CATSPERT: variants seen among roughly 807,000 people sequenced by gnomAD.
CATSPERT encodes catsper channel auxiliary subunit tau.
chr2:201,589,875 T>C, the CATSPERT span, among the ~76,000 whole-genome samples: 1 of 152,078 alleles, frequency 6.6e-6, no homozygotes, highest in South Asian at 2.1e-4. Context: ...AGGTCTAATA[T>C]CCAGCATCTA....
At chr2:201,551,729 A>G in the CATSPERT span, among the ~76,000 whole-genome samples, 1 of 151,948 alleles carries the variant, frequency 6.6e-6, no homozygotes, top group Admixed American at 6.6e-5. Flanking sequence ...ACATGGAGAA[A>G]CCCCGTCTCT....
At chr2:201,539,676 T>C in the CATSPERT span, among the ~76,000 whole-genome samples, 1 of 152,014 alleles carries the variant, frequency 6.6e-6, no homozygotes. Context: ...GTTGTAACTA[T>C]GCCACTGACC....
At chr2:201,548,888 G>T in the CATSPERT span, among the ~76,000 whole-genome samples, 1 of 152,068 alleles carries the variant, frequency 6.6e-6, no homozygotes, top group African/African-American at 2.4e-5. Flanking sequence ...AGGATTCATG[G>T]TAAGATCTAA....
At chr2:201,508,467 G>T in the CATSPERT span, among the ~76,000 whole-genome samples, 2 of 152,102 alleles carry the variant, frequency 1.3e-5, no homozygotes, top group Non-Finnish European at 2.9e-5. Context: ...TTTTATTGTG[G>T]TAAAAAGCAC....
chr2:201,531,304 A>G, the CATSPERT span, among the ~76,000 whole-genome samples: 3 of 152,004 alleles, frequency 2.0e-5, no homozygotes, highest in African/African-American at 4.8e-5. Context: ...GATATTTACT[A>G]CTGCCTACCG....
At chr2:201,600,903 C>G in the CATSPERT span, among the ~76,000 whole-genome samples, 1 of 152,104 alleles carries the variant, frequency 6.6e-6, no homozygotes, top group African/African-American at 2.4e-5. Context: ...TGGTGTGCAC[C>G]ACCATGCCTG....
the CATSPERT span, among the ~76,000 whole-genome samples, chr2:201,544,950 T>C: frequency 1.3e-5 from 2 of 151,592 alleles, no homozygotes; most frequent in African/African-American, 4.8e-5. Flanking sequence ...TGAGCTGTGG[T>C]TGTGCAACTG....
At chr2:201,546,860 A>C in the CATSPERT span, among the ~76,000 whole-genome samples, 4 of 152,212 alleles carry the variant, frequency 2.6e-5, no homozygotes, top group Non-Finnish European at 4.4e-5. Context: ...ATAGCTTTTA[A>C]GTAGAAACAA....
the CATSPERT span, among the ~76,000 whole-genome samples, chr2:201,546,541 A>G: frequency 6.6e-6 from 1 of 152,248 alleles, no homozygotes; most frequent in Non-Finnish European, 1.5e-5. Flanking sequence ...AGATGTTCAC[A>G]TCATTAGTCA....
At chr2:201,502,571 CA>C in the CATSPERT span, among the ~76,000 whole-genome samples, 47,368 of 94,982 alleles carry the variant, frequency 0.5, 8,916 homozygotes, top group Admixed American at 0.59. Flanking sequence ...GACTCCATCT[CA>C]AAAAAAAAAA....
chr2:201,591,287 A>G, the CATSPERT span, among the ~76,000 whole-genome samples: 1 of 152,144 alleles, frequency 6.6e-6, no homozygotes, highest in Non-Finnish European at 1.5e-5. Flanking sequence ...CAAAGATCAG[A>G]TAGTTGTAGA....
the CATSPERT span, among the ~76,000 whole-genome samples, chr2:201,527,864 G>T: frequency 1.3e-5 from 2 of 151,784 alleles, no homozygotes; most frequent in East Asian, 3.9e-4. Context: ...ATTTAATTAT[G>T]AAGACTCCAA....
the CATSPERT span, among the ~76,000 whole-genome samples, chr2:201,575,487 G>A: frequency 6.6e-6 from 1 of 152,166 alleles, no homozygotes. Context: ...GGGCAAGCGA[G>A]CAAAGCTTCA....
At chr2:201,613,201 C>A in the CATSPERT span, among the ~76,000 whole-genome samples, 1 of 152,222 alleles carries the variant, frequency 6.6e-6, no homozygotes, top group Non-Finnish European at 1.5e-5. Context: ...TTGAAGAGAG[C>A]AGTGCTTCTC....
the CATSPERT span, among the ~76,000 whole-genome samples, chr2:201,515,251 T>C: frequency 2.9e-5 from 3 of 102,016 alleles, no homozygotes; most frequent in East Asian, 1.0e-3. Flanking sequence ...TTTTTTTTTT[T>C]TGAGACAGAG....
At chr2:201,562,670 C>CAG in the CATSPERT span, among the ~76,000 whole-genome samples, 2 of 145,592 alleles carry the variant, frequency 1.4e-5, no homozygotes, top group Non-Finnish European at 3.0e-5. Context: ...CAGCCTTCCG[C>CAG]AGCGTTTGTG....
chr2:201,506,400 G>A, the CATSPERT span, among the ~76,000 whole-genome samples: 1 of 152,284 alleles, frequency 6.6e-6, no homozygotes, highest in South Asian at 2.1e-4. Flanking sequence ...ATTCTGTGTA[G>A]TATAACCCAG....
chr2:201,492,392 G>C, the CATSPERT span: 1 of 1,533,390 alleles, frequency 6.5e-7, no homozygotes, highest in African/African-American at 1.4e-5. Context: ...TCAGCTTTTA[G>C]ATGTAATAAT....
chr2:201,523,932 T>C, the CATSPERT span, among the ~76,000 whole-genome samples: 1 of 151,960 alleles, frequency 6.6e-6, no homozygotes, highest in Admixed American at 6.6e-5. Context: ...ATTAATTTAG[T>C]GAGAAAAAAT....
Sources: allele counts gnomAD v4.1 joint callset (sites outside exome capture counted in the v4.1 genomes callset), GRCh38; gene constraint gnomAD v4.1.1; transcripts MANE v1.5; gene names NCBI Gene and HGNC (gene_info 2026-07-23, HGNC 2026-07-21).